Variants in ATP7B observed in about 807,000 individuals in gnomAD.
ATP7B encodes copper-transporting ATPase 2.
In ATP7B, 113 loss-of-function variants were observed where a neutral mutation model predicts 118.9. The ratio of observed to expected loss-of-function variants is 0.95; its 90% CI spans 0.82 to 1.11. The LOEUF is 1.11. Among genes scored for constraint, ATP7B ranks in the 50% most tolerant of loss-of-function variants. The pLI is 0.00. For missense variants in ATP7B, 1,867 were observed against 1,871.4 expected (o/e 1.00, Z 0.04); for synonymous variants, 777 against 727.4 (o/e 1.07, Z -1.10).
At chr13:51,967,342 T>A (rs1463084600) in intron 4 of ATP7B, among the ~76,000 whole-genome samples, 2 of 152,198 alleles carry the variant, frequency 1.3e-5, no homozygotes, top group Non-Finnish European at 2.9e-5. Flanking sequence ...TTAATAAATG[T>A]GTGCTAAAAG....
In ATP7B at chr13:51,966,867, T is replaced by C. The variant is rs570130452; in HGVS notation, c.1707+1577A>G. 707 of 1,612,892 alleles carry C rather than the reference T, an allele frequency of 4.4e-4. 10 individuals are homozygous for C. The South Asian group carries it at 5.4e-3, about 12-fold the overall frequency. On this transcript the variant is annotated intron_variant, in intron 4 of 20. Coordinates refer to ENST00000242839, the MANE Select transcript of ATP7B (RefSeq NM_000053.4). The stretch of plus-strand genomic sequence containing the variant: ...AAATGGGCGCAATGGCCAAGCCAGA[T>C]TGTATCATCACTTGTGATGGCAGAA...
chr13:51,948,004 A>C (rs1957770764), intron 12 of ATP7B: 1 of 152,226 alleles, frequency 6.6e-6, no homozygotes, highest in African/African-American at 2.4e-5. Flanking sequence ...TTTCCCGAAA[A>C]AGCCGAAATT....
chr13:51,966,827 G>A (rs1951573842), intron 4 of ATP7B: 4 of 1,613,116 alleles, frequency 2.5e-6, no homozygotes, highest in South Asian at 2.2e-5. Flanking sequence ...CTAGGAGTGG[G>A]AATAGCTTTG....
chr13:51,972,205 C>T (rs1367871248), intron 2 of ATP7B, among the ~76,000 whole-genome samples: 1 of 152,176 alleles, frequency 6.6e-6, no homozygotes, highest in East Asian at 1.9e-4. Context: ...TTACCAGCAG[C>T]CAAGCTGGGC....
At chr13:51,960,101 C>G in intron 7 of ATP7B, 47 bp downstream of exon 7, 1 of 1,588,958 alleles carries the variant, frequency 6.3e-7, no homozygotes, top group Non-Finnish European at 8.6e-7. Flanking sequence ...ATCTGAGGGC[C>G]ACACACAGCA....
Position 51,933,748 on chromosome 13 carries a change from C to CCA in ATP7B, c.*1006_*1007dup, listed in dbSNP as rs942961692. The CCA allele has an allele frequency of 2.2e-4, 33 of 152,362 alleles. No homozygotes were observed. Among genetic ancestry groups the CCA allele is most frequent in the African/African-American group, 7.2e-4 (30 of 41,580 alleles). The allele number at this position is 152,362 out of a possible 1,614,324, so 9.4% of individuals were successfully genotyped here. ...AGTCACATGAATTCTCTACTGAACC[C>CCA]CACGAGGTGACAGTCAGAAGACTGA... is the stretch of plus-strand genomic sequence containing the variant. On this transcript the variant is annotated 3_prime_UTR_variant, in exon 21 of 21. Coordinates refer to ENST00000242839, the MANE Select transcript of ATP7B (RefSeq NM_000053.4).
chr13:51,998,160 T>A (rs1953308047), intron 1 of ATP7B, among the ~76,000 whole-genome samples: 1 of 152,158 alleles, frequency 6.6e-6, no homozygotes, highest in Non-Finnish European at 1.5e-5. Flanking sequence ...AATTCCAGCA[T>A]CACTAATGTC....
At chr13:51,998,826 G>T (rs1953344490) in intron 1 of ATP7B, among the ~76,000 whole-genome samples, 1 of 152,192 alleles carries the variant, frequency 6.6e-6, no homozygotes, top group Non-Finnish European at 1.5e-5. Flanking sequence ...GCTCTTTGGA[G>T]GAGGGACATC....
chr13:51,961,423 G>C (rs1217433183), intron 6 of ATP7B, among the ~76,000 whole-genome samples: 1 of 151,858 alleles, frequency 6.6e-6, no homozygotes, highest in East Asian at 1.9e-4. Flanking sequence ...TCAAATTCTA[G>C]TTCTAGAACC....
chr13:51,941,271 GT>G, intron 15 of ATP7B, 47 bp from the exon 16 acceptor site: 1 of 1,606,506 alleles, frequency 6.2e-7, no homozygotes, highest in East Asian at 2.2e-5. Flanking sequence ...CAATTTCACT[GT>G]GAACTAAAAA....
At chr13:51,941,042 T>A (rs767328462) in intron 16 of ATP7B, 39 bp downstream of exon 16, 1 of 1,613,924 alleles carries the variant, frequency 6.2e-7, no homozygotes, top group Non-Finnish European at 8.5e-7. Flanking sequence ...GAAAACTGTA[T>A]TTCTGAGAGA....
intron 13 of ATP7B, 42 bp from the exon 14 acceptor site, chr13:51,944,333 G>C (rs1037739471): frequency 1.2e-5 from 20 of 1,611,244 alleles, no homozygotes; most frequent in African/African-American, 2.7e-5. Context: ...AATACAGATG[G>C]AGGGGCTTCC....
chr13:52,011,426 C>A lies in ATP7B; in HGVS notation c.-89G>T. On this transcript the variant is annotated 5_prime_UTR_variant, in exon 1 of 21. Coordinates refer to ENST00000242839, the MANE Select transcript of ATP7B (RefSeq NM_000053.4). Reference sequence around the variant, plus strand: ...GGAGGAGAGCGGGGTGTTAAAGTCCCGGGAGAGGAGGCGCAGAGTGTGAGG... The same window carrying A: ...GGAGGAGAGCGGGGTGTTAAAGTCCAGGGAGAGGAGGCGCAGAGTGTGAGG... The A allele has an allele frequency of 6.4e-7, 1 of 1,571,636 alleles. No individual in the cohort carries two copies. The highest frequency in any genetic ancestry group is 8.7e-7 in the Non-Finnish European group (1 of 1,144,858).
chr13:51,947,456 A>G (rs1476424575), intron 12 of ATP7B, among the ~76,000 whole-genome samples: 4 of 152,194 alleles, frequency 2.6e-5, no homozygotes, highest in Non-Finnish European at 5.9e-5. Flanking sequence ...ATTTTTAAAA[A>G]TGGCTGGTGG....
At chr13:51,984,712 G>A (rs918318739) in intron 1 of ATP7B, among the ~76,000 whole-genome samples, 7 of 152,188 alleles carry the variant, frequency 4.6e-5, no homozygotes, top group African/African-American at 1.4e-4. Flanking sequence ...CTTAACAGCA[G>A]ATCTCTCTGC....
chr13:51,957,030 T>G (rs1427357814), intron 9 of ATP7B, among the ~76,000 whole-genome samples: 2 of 152,156 alleles, frequency 1.3e-5, no homozygotes, highest in Non-Finnish European at 2.9e-5. Flanking sequence ...ACAAAGAGAT[T>G]AGAATAGTGT....
At chr13:52,006,273 T>C (rs1395878706) in intron 1 of ATP7B, among the ~76,000 whole-genome samples, 1 of 152,244 alleles carries the variant, frequency 6.6e-6, no homozygotes, top group Non-Finnish European at 1.5e-5. Context: ...TTCATGTTAC[T>C]GGGCCATCTC....
chr13:51,968,640 G>C (rs767127208), intron 3 of ATP7B, 33 bp from the exon 4 acceptor site: 2 of 1,612,686 alleles, frequency 1.2e-6, no homozygotes, highest in East Asian at 4.5e-5. Context: ...GTAACACTCT[G>C]GGTGGGCAGG....
chr13:51,964,026 G>A (rs539152464), intron 5 of ATP7B, among the ~76,000 whole-genome samples: 1 of 152,068 alleles, frequency 6.6e-6, no homozygotes, highest in East Asian at 1.9e-4. Flanking sequence ...ACTCCAGCCT[G>A]GGCGACAGAA....
Sources: allele counts gnomAD v4.1 joint callset (sites outside exome capture counted in the v4.1 genomes callset), GRCh38; gene constraint gnomAD v4.1.1; transcripts MANE v1.5; gene names NCBI Gene and HGNC (gene_info 2026-07-23, HGNC 2026-07-21).